IQGAP3: variants seen among roughly 807,000 people sequenced by gnomAD.
IQGAP3 encodes the protein IQ motif containing GTPase activating protein 3.
Under a neutral mutation model 208.2 loss-of-function variants are expected in IQGAP3, and 165 were observed. That is an observed-to-expected ratio of 0.79 (90% confidence interval 0.70 to 0.90). The LOEUF (loss-of-function observed/expected upper bound fraction) is 0.90, where lower values mean the gene tolerates loss of function less well. IQGAP3 is among the 40% of genes least tolerant of loss of function. The pLI is 0.00. For synonymous variants in IQGAP3, 703 were observed against 803.6 expected, an observed-to-expected ratio of 0.87 and a Z score of 2.12; for missense variants, 1,811 against 2,043.1, an observed-to-expected ratio of 0.89 and a Z score of 2.19.
Position 156,562,612 on chromosome 1 carries a change from G to C in IQGAP3, c.852C>G (p.Ile284Met). The change falls in exon 9 of 38, where the codon ATC becomes ATG. Residue 284 changes from isoleucine to methionine, a missense_variant. By Grantham distance (10) the Ile-to-Met change is conservative. Coordinates refer to ENST00000361170, the MANE Select transcript of IQGAP3 (RefSeq NM_178229.5). ...CGTTGACATGGTTGATATTGCCCTG[G>C]ATTTCAGCCTGAGTTAGGTAGTGGT... ...IYDHYLTQAE[I>M]QGNINHVNVH... The C allele has an allele frequency of 6.2e-7, 1 of 1,614,136 alleles. No individual in the cohort carries two copies. Among genetic ancestry groups the C allele is most frequent in the Non-Finnish European group, 8.5e-7 (1 of 1,180,006 alleles).
intron 4 of IQGAP3, among the ~76,000 whole-genome samples, chr1:156,565,655 T>C (rs755771279): frequency 2.3e-4 from 35 of 152,326 alleles, no homozygotes; most frequent in Non-Finnish European, 3.4e-4. Flanking sequence ...GTTGGGGTTT[T>C]GGACCTAGGC....
intron 1 of IQGAP3, among the ~76,000 whole-genome samples, chr1:156,571,900 T>C (rs1264415573): frequency 2.6e-5 from 4 of 152,262 alleles, no homozygotes; most frequent in Admixed American, 2.0e-4. Context: ...TCTTTGAAAA[T>C]GTGGCCCAGG....
intron 28 of IQGAP3, 43 bp downstream of exon 28, chr1:156,535,120 C>T (rs760499995): frequency 7.2e-7 from 1 of 1,397,702 alleles, no homozygotes; most frequent in Non-Finnish European, 1.0e-6. Flanking sequence ...ACCAGCAAAG[C>T]AAAGGAGGGA....
intron 23 of IQGAP3, among the ~76,000 whole-genome samples, chr1:156,540,381 T>A (rs1674919599): frequency 6.6e-6 from 1 of 152,196 alleles, no homozygotes; most frequent in Admixed American, 6.5e-5. Context: ...TGTCTCTATA[T>A]TTGGCCTGGA....
intron 26 of IQGAP3, among the ~76,000 whole-genome samples, chr1:156,538,173 G>A (rs1674797495): frequency 6.6e-6 from 1 of 152,190 alleles, no homozygotes; most frequent in Admixed American, 6.5e-5. Context: ...ACATTCTCCT[G>A]CTTCAGCCTC....
chr1:156,527,343 T>C (rs1439532449), intron 37 of IQGAP3, among the ~76,000 whole-genome samples: 1 of 151,802 alleles, frequency 6.6e-6, no homozygotes, highest in East Asian at 2.0e-4. Flanking sequence ...GCCGGTGTGG[T>C]GGCGCACGCC....
In IQGAP3 at chr1:156,531,265, T is replaced by C; in HGVS notation, c.4104-18A>G. ...GCTTGGTGCTGCACAAGGAGGACAG[T>C]GACAGAGGAGAGGTAAGGGGCAGGG... is the stretch of plus-strand genomic sequence containing the variant. On this transcript the variant is annotated intron_variant, in intron 32 of 37. Coordinates refer to ENST00000361170, the MANE Select transcript of IQGAP3 (RefSeq NM_178229.5). The C allele has an allele frequency of 6.2e-7, 1 of 1,604,324 alleles. No individual in the cohort carries two copies. The highest frequency in any genetic ancestry group is 8.5e-7 in the Non-Finnish European group (1 of 1,171,518).
chr1:156,526,359 G>A lies in IQGAP3; in HGVS notation c.*127C>T, dbSNP rs1674057991. ...GCAAGCTCCTCCCAGCTGGGGAAGGGGTGAGAATCCCTGGGCCTTGCCCAG... is the reference window on the plus strand; with the variant it reads ...GCAAGCTCCTCCCAGCTGGGGAAGGAGTGAGAATCCCTGGGCCTTGCCCAG... On this transcript the variant is annotated 3_prime_UTR_variant, in exon 38 of 38. Coordinates refer to ENST00000361170, the MANE Select transcript of IQGAP3 (RefSeq NM_178229.5). The A allele has an allele frequency of 3.0e-6, 2 of 671,312 alleles. No homozygotes were observed. The highest frequency in any genetic ancestry group is 1.7e-5 in the South Asian group (1 of 57,782). 41.6% of individuals were successfully genotyped at this position (671,312 alleles called of 1,614,324 possible). A position where few individuals can be genotyped will look rare whatever the true frequency, so the allele number is the denominator to read the frequency against.
At chr1:156,551,452 TCA>T (rs1220376934) in intron 15 of IQGAP3, among the ~76,000 whole-genome samples, 2 of 152,132 alleles carry the variant, frequency 1.3e-5, no homozygotes, top group Non-Finnish European at 2.9e-5. Flanking sequence ...TTGCTCAAGG[TCA>T]CATGGTCACT....
At chr1:156,572,393 G>A in intron 1 of IQGAP3, 100 bp downstream of exon 1, 1 of 1,333,686 alleles carries the variant, frequency 7.5e-7, no homozygotes, top group Non-Finnish European at 1.1e-6. Context: ...TCGCCCCTCA[G>A]GCTTCACGCC....
intron 19 of IQGAP3, 101 bp from the exon 20 acceptor site, chr1:156,544,573 G>A: frequency 1.0e-6 from 1 of 972,798 alleles, no homozygotes; most frequent in Non-Finnish European, 1.6e-6. Flanking sequence ...GGAATGGAAG[G>A]GGGCAGTTAA....
rs1332778433 is a variant in IQGAP3, at chr1:156,550,245, C to T, written c.1825+16G>A. On this transcript the variant is annotated intron_variant, in intron 16 of 37. Transcript: ENST00000361170. ...CCATCCCTCCCCTCCCAGGGTCCCC[C>T]AACCAGTCCATTTACTTCTCTGAGC... 6.3e-7 allele frequency: 1 copy of T among 1,591,364 alleles called. No homozygotes were observed. The highest frequency in any genetic ancestry group is 8.6e-7 in the Non-Finnish European group (1 of 1,160,592).
chr1:156,540,773 C>A lies in IQGAP3; in HGVS notation c.2674G>T (p.Glu892Ter). ...ATGTCCATGATGTTGAGGTCCTGCT[C>A]CAGCTGCTGATTGGATCGGATCTTC... ...VRKIRSNQQLEQDLNIMDIKI... is the reference protein window; with the variant it reads ...VRKIRSNQQL Residue 892 changes from glutamate (E) to a stop codon, truncating the protein, a stop_gained, in exon 23 of 38, where the codon GAG (glutamate) becomes TAG (stop). Coordinates refer to ENST00000361170, the MANE Select transcript of IQGAP3 (RefSeq NM_178229.5). LOFTEE classifies it high-confidence loss of function. 6.2e-7 allele frequency: 1 copy of A among 1,614,134 alleles called. No individual in the cohort carries two copies. The highest frequency in any genetic ancestry group is 8.5e-7 in the Non-Finnish European group (1 of 1,180,036).
At chr1:156,543,921 C>CCTGGCT in intron 22 of IQGAP3, 60 bp downstream of exon 22, 1 of 1,457,668 alleles carries the variant, frequency 6.9e-7, no homozygotes, top group Non-Finnish European at 9.6e-7. Context: ...TCTAGACCTG[C>CCTGGCT]CTGGCTCTGT....
rs751783613 is a variant in IQGAP3, at chr1:156,554,440, T to C, written c.1291-48A>G. On this transcript the variant is annotated intron_variant, in intron 12 of 37. Transcript: ENST00000361170. ...TTCCCAAGTGGGCAGGTGAAGGGTC[T>C]AAAGGCCTATTCACCATCCTGCCCC... 3.3e-6 allele frequency: 5 copies of C among 1,522,844 alleles called. No individual in the cohort carries two copies. The South Asian group carries it at 6.5e-5, about 20-fold the overall frequency. The allele number at this position is 1,522,844 out of a possible 1,614,324, so 94.3% of individuals were successfully genotyped here.
intron 26 of IQGAP3, 111 bp downstream of exon 26, chr1:156,538,698 A>G: frequency 1.2e-6 from 1 of 853,046 alleles, no homozygotes. Context: ...CAGCATGCCC[A>G]TTTATATGCC....
chr1:156,543,792 C>T (rs1391932339), intron 22 of IQGAP3, among the ~76,000 whole-genome samples, 189 bp downstream of exon 22: 1 of 152,104 alleles, frequency 6.6e-6, no homozygotes, highest in African/African-American at 2.4e-5. Context: ...TTTCACGTGA[C>T]AAGGCTATCT....
chr1:156,568,496 C>A (rs1486740928), intron 2 of IQGAP3, among the ~76,000 whole-genome samples: 2 of 152,326 alleles, frequency 1.3e-5, no homozygotes, highest in East Asian at 3.9e-4. Context: ...GGATTACAGG[C>A]GTGAGCCACA....
chr1:156,560,469 C>T (rs1441687756), intron 11 of IQGAP3, among the ~76,000 whole-genome samples: 1 of 152,192 alleles, frequency 6.6e-6, no homozygotes, highest in Non-Finnish European at 1.5e-5. Flanking sequence ...CGAGATTGTG[C>T]CACTGCACTC....
Sources: allele counts gnomAD v4.1 joint callset (sites outside exome capture counted in the v4.1 genomes callset), GRCh38; gene constraint gnomAD v4.1.1; transcripts MANE v1.5; gene names NCBI Gene and HGNC (gene_info 2026-07-23, HGNC 2026-07-21).